Variants in GABPB1 observed in about 807,000 individuals in gnomAD.
GABPB1 encodes GA binding protein transcription factor subunit beta 1.
A neutral mutation model predicts 45.9 loss-of-function variants in GABPB1; 15 were observed. The observed-to-expected ratio is 0.33, with a 90% CI of 0.22 to 0.50. The LOEUF is 0.50. GABPB1 is among the 20% of genes least tolerant of loss of function. The pLI is 0.98. For synonymous variants in GABPB1, 143 were observed against 154.4 expected (o/e 0.93, Z 0.55); for missense variants, 252 against 457.5 (o/e 0.55, Z 4.10).
intron 6 of GABPB1, among the ~76,000 whole-genome samples, chr15:50,289,927 A>G (rs753183496): frequency 1.2e-4 from 19 of 152,002 alleles, no homozygotes; most frequent in Non-Finnish European, 2.5e-4. Context: ...ATGTACCACC[A>G]TACCTGACTA....
intron 1 of GABPB1, among the ~76,000 whole-genome samples, chr15:50,337,075 GTATA>G (rs869106382): frequency 0.018 from 250 of 13,798 alleles, no homozygotes; most frequent in Admixed American, 0.028. Flanking sequence ...ATATGTGTGT[GTATA>G]TATATATATA....
rs374170988 is a variant in GABPB1, at chr15:50,326,502, T to C, written c.1-16704A>G. Among the ~76,000 whole-genome samples, 8 of 151,256 alleles carry C rather than the reference T, an allele frequency of 5.3e-5. No individual in the cohort carries two copies. In the East Asian group the frequency reaches 7.9e-4, roughly 15 times the overall value. On this transcript the variant is annotated intron_variant, in intron 1 of 8. Transcript: ENST00000380877. ...GTGAAACCCCGTCTCTACTAAACAA[T>C]AAAAAAACAATTAGCTGGGCATGGT...
intron 3 of GABPB1, among the ~76,000 whole-genome samples, 163 bp from the exon 4 acceptor site, chr15:50,303,286 C>T (rs997627981): frequency 2.6e-5 from 4 of 152,186 alleles, no homozygotes; most frequent in Admixed American, 6.5e-5. Context: ...CAGTGGCTCA[C>T]GCCTGTAATC....
rs529947512 is a variant in GABPB1 at position 50,326,657 on chromosome 15, G to A, written c.1-16859C>T. 3.4e-4 allele frequency among the ~76,000 whole-genome samples: 52 copies of A among 151,326 alleles called. 1 individual carries two copies. The South Asian group carries it at 0.01, about 30-fold the overall frequency. On this transcript the variant is annotated intron_variant, in intron 1 of 8. Transcript: ENST00000380877. ...AGCCTGGGCAACAGAGTGAGACTCC[G>A]TCTCAAAAAAAAAAATGAAAAACAA...
chr15:50,339,237 G>C (rs780650953), intron 1 of GABPB1, among the ~76,000 whole-genome samples: 2 of 152,216 alleles, frequency 1.3e-5, no homozygotes, highest in Non-Finnish European at 2.9e-5. Context: ...AGCACTGCTT[G>C]AGCCTGGTAG....
chr15:50,309,628 T>G (rs1186630821), intron 2 of GABPB1, 63 bp downstream of exon 2: 4 of 990,550 alleles, frequency 4.0e-6, no homozygotes, highest in Non-Finnish European at 4.8e-6. Flanking sequence ...GACTACATTT[T>G]TCTCTGCAAA....
intron 2 of GABPB1, among the ~76,000 whole-genome samples, chr15:50,307,420 T>C (rs986104171): frequency 2.0e-5 from 3 of 152,184 alleles, no homozygotes; most frequent in Non-Finnish European, 2.9e-5. Flanking sequence ...GAATTCCTTA[T>C]GTATTATGGA....
chr15:50,342,818 A>T (rs2048424705), intron 1 of GABPB1, among the ~76,000 whole-genome samples: 1 of 152,222 alleles, frequency 6.6e-6, no homozygotes, highest in Non-Finnish European at 1.5e-5. Context: ...TATAGTTGTT[A>T]GATAGGTTTC....
intron 1 of GABPB1, among the ~76,000 whole-genome samples, chr15:50,317,239 T>TA (rs2047366221): frequency 6.6e-6 from 1 of 151,378 alleles, no homozygotes; most frequent in African/African-American, 2.4e-5. Flanking sequence ...TTACTAAAAA[T>TA]AAAAAAATTA....
rs527834905 is a variant in GABPB1 at position 50,275,552 on chromosome 15, A to T, written c.*3080T>A. 1.4e-4 allele frequency: 22 copies of T among 152,352 alleles called. No individual in the cohort carries two copies. The highest frequency in any genetic ancestry group is 5.1e-4 in the African/African-American group (21 of 41,578). The allele number at this position is 152,352 out of a possible 1,614,324, so 9.4% of individuals were successfully genotyped here. On this transcript the variant is annotated 3_prime_UTR_variant, in exon 9 of 9. Coordinates refer to ENST00000380877, the MANE Select transcript of GABPB1 (RefSeq NM_016654.5). ...AAGTCAAACAATCATAAATCAAAGCATCATAAATTGGGGACCATCTGTGTA... is the reference window on the plus strand; with the variant it reads ...AAGTCAAACAATCATAAATCAAAGCTTCATAAATTGGGGACCATCTGTGTA...
chr15:50,353,275 TAA>T (rs1250613275), intron 1 of GABPB1: 1 of 152,190 alleles, frequency 6.6e-6, no homozygotes, highest in East Asian at 1.9e-4. Context: ...TAGAGCCCAG[TAA>T]AAAAAGTATG....
chr15:50,339,665 AAATT>A (rs139869117), intron 1 of GABPB1, among the ~76,000 whole-genome samples: 3,108 of 152,236 alleles, frequency 0.02, 103 homozygotes, highest in African/African-American at 0.072. Flanking sequence ...AATTTTCTAA[AAATT>A]AACTCAGAAT....
intron 2 of GABPB1, among the ~76,000 whole-genome samples, chr15:50,304,708 T>A (rs1329416913): frequency 6.8e-6 from 1 of 147,602 alleles, no homozygotes; most frequent in Non-Finnish European, 1.5e-5. Flanking sequence ...GAGATTTTGG[T>A]CTAAAGAAAA....
At chr15:50,314,183 A>ATTT (rs879259395) in intron 1 of GABPB1, among the ~76,000 whole-genome samples, 2 of 115,538 alleles carry the variant, frequency 1.7e-5, no homozygotes, top group Admixed American at 9.3e-5. Context: ...TTATTTATTT[A>ATTT]TTTATTTATT....
chr15:50,292,081 T>C (rs1397034973), intron 6 of GABPB1, among the ~76,000 whole-genome samples: 3 of 151,882 alleles, frequency 2.0e-5, no homozygotes. Flanking sequence ...ATGCCTGTAA[T>C]CCCAGCACTT....
chr15:50,343,844 T>C (rs1454146672), intron 1 of GABPB1, among the ~76,000 whole-genome samples: 1 of 152,182 alleles, frequency 6.6e-6, no homozygotes, highest in East Asian at 1.9e-4. Context: ...GCCAATCAAA[T>C]GTAGTTACCA....
intron 6 of GABPB1, among the ~76,000 whole-genome samples, chr15:50,292,970 G>A (rs532021045): frequency 6.8e-6 from 1 of 146,428 alleles, no homozygotes; most frequent in South Asian, 2.1e-4. Context: ...ATTTTTCTGT[G>A]GGTTTGAAAA....
intron 1 of GABPB1, among the ~76,000 whole-genome samples, chr15:50,326,865 C>T (rs2047788997): frequency 6.6e-6 from 1 of 151,910 alleles, no homozygotes; most frequent in Non-Finnish European, 1.5e-5. Context: ...AGAAAAACTG[C>T]ACATGATGAA....
chr15:50,348,082 T>C (rs1465709649), intron 1 of GABPB1, among the ~76,000 whole-genome samples: 1 of 144,342 alleles, frequency 6.9e-6, no homozygotes, highest in South Asian at 2.2e-4. Context: ...TAAACCACCA[T>C]AGTAAAAGTA....
Sources: gnomAD v4.1 joint callset for allele counts (sites outside exome capture counted in the v4.1 genomes callset) on GRCh38, gnomAD v4.1.1 for gene constraint, MANE v1.5 for transcripts, NCBI Gene and HGNC (gene_info 2026-07-23, HGNC 2026-07-21) for gene names.